Variants in DNAH7 observed in about 807,000 individuals in gnomAD.
DNAH7 encodes the protein dynein axonemal heavy chain 7.
DNAH7 carries 397 observed loss-of-function variants against 444.6 expected under a neutral mutation model. The observed-to-expected ratio is 0.89, with a 90% confidence interval of 0.82 to 0.97. The LOEUF is 0.97. Among genes scored for constraint, DNAH7 ranks in the 50% least tolerant of loss-of-function variants. The probability of loss-of-function intolerance (pLI) is 0.00; values close to 1 mark genes in which losing one functional copy is unlikely to be tolerated. For synonymous variants in DNAH7, 1,636 were observed against 1,624.4 expected, an observed-to-expected ratio of 1.01 and a Z score of -0.17; for missense variants, 4,902 against 4,800.8, an observed-to-expected ratio of 1.02 and a Z score of -0.62.
Position 195,794,392 on chromosome 2 carries a change from T to C in DNAH7, c.10662A>G (p.Ser3554=), listed in dbSNP as rs1696037454. 6.2e-7 allele frequency: 1 copy of C among 1,614,036 alleles called. No homozygotes were observed. Among genetic ancestry groups the C allele is most frequent in the Non-Finnish European group, 8.5e-7 (1 of 1,180,014 alleles). The change falls in exon 57 of 65, where the codon TCA becomes TCG. Residue 3554 remains serine (S), a synonymous_variant. Coordinates refer to ENST00000312428, the MANE Select transcript of DNAH7 (RefSeq NM_018897.3). ...GATCAGAGATCGGGTCCATGAGGTA[T>C]GATCGAATGATATTAGCCCGTAAAC... The part of the protein sequence containing the change: ...PKGLRANIIR[S]YLMDPISDPE...
chr2:195,820,245 T>C (rs1574492363), intron 49 of DNAH7, among the ~76,000 whole-genome samples: 1 of 151,130 alleles, frequency 6.6e-6, no homozygotes, highest in South Asian at 2.1e-4. Flanking sequence ...AGTTGAACAA[T>C]GAGAATACAT....
At chr2:195,780,124 C>T (rs1359247755) in intron 58 of DNAH7, among the ~76,000 whole-genome samples, 3 of 152,066 alleles carry the variant, frequency 2.0e-5, no homozygotes, top group Non-Finnish European at 4.4e-5. Context: ...ACTAGCAGTA[C>T]AGAAAATTCT....
chr2:195,787,209 T>C, intron 57 of DNAH7, 38 bp from the exon 58 acceptor site: 1 of 1,556,192 alleles, frequency 6.4e-7, no homozygotes, highest in Non-Finnish European at 8.7e-7. Flanking sequence ...CATTATTTTC[T>C]CCATATATTG....
chr2:196,008,730 TAG>T (rs970653661), intron 10 of DNAH7, among the ~76,000 whole-genome samples: 4 of 152,112 alleles, frequency 2.6e-5, no homozygotes, highest in African/African-American at 9.7e-5. Flanking sequence ...GGGAAATTCA[TAG>T]AGACAAAAAA....
intron 58 of DNAH7, among the ~76,000 whole-genome samples, chr2:195,780,196 C>T (rs1297402989): frequency 6.6e-6 from 1 of 151,862 alleles, no homozygotes; most frequent in Admixed American, 6.6e-5. Context: ...GATAATAAAA[C>T]AATATAATTA....
chr2:195,864,378 G>A lies in DNAH7; in HGVS notation c.7277C>T (p.Ala2426Val), dbSNP rs1700195561. ...LNAGEIPNLF[A>V]LDEKQEICDK... Reference sequence around the variant, plus strand: ...ACATATCTCTTGCTTCTCATCTAATGCAAAGAGATTTGGAATCTCCCCAGC... The same window carrying A: ...ACATATCTCTTGCTTCTCATCTAATACAAAGAGATTTGGAATCTCCCCAGC... Residue 2426 changes from alanine to valine, a missense_variant, in exon 41 of 65, where the codon GCA becomes GTA. Coordinates refer to ENST00000312428, the MANE Select transcript of DNAH7 (RefSeq NM_018897.3). 2 of 1,614,092 alleles carry A rather than the reference G, an allele frequency of 1.2e-6. No homozygotes were observed. Among genetic ancestry groups the A allele is most frequent in the Admixed American group, 1.7e-5 (1 of 60,004 alleles).
intron 19 of DNAH7, among the ~76,000 whole-genome samples, chr2:195,952,369 TC>T (rs1193890816): frequency 3.3e-5 from 5 of 152,156 alleles, no homozygotes; most frequent in African/African-American, 1.2e-4. Context: ...ATTTTTTCCT[TC>T]ATTTCAACCT....
Position 195,906,914 on chromosome 2 carries a change from GAT to G in DNAH7, c.4198_4199del (p.Ile1400ProfsTer5), listed in dbSNP as rs773232202. The part of the protein sequence containing the change: ...LSVVAQQILT[I>X]QRGINAGADI... Reference sequence around the variant, plus strand: ...GACAAACTAGTCCATTACCTCTTTGGATAGTAAGGATTTGTTGAGCAACCACA... The same window carrying G: ...GACAAACTAGTCCATTACCTCTTTGGAGTAAGGATTTGTTGAGCAACCACA... On this transcript the variant is annotated frameshift_variant, in exon 26 of 65. Transcript: ENST00000312428. LOFTEE classifies it high-confidence loss of function. 19 of 1,611,898 alleles carry G rather than the reference GAT, an allele frequency of 1.2e-5. No individual in the cohort carries two copies. The highest frequency in any genetic ancestry group is 1.1e-5 in the Non-Finnish European group (13 of 1,179,110).
chr2:195,799,252 C>T (rs1009746801), intron 55 of DNAH7, 44 bp downstream of exon 55: 10 of 1,421,546 alleles, frequency 7.0e-6, no homozygotes, highest in East Asian at 2.6e-5. Flanking sequence ...GCAAGTATTG[C>T]TTTTTTAAAA....
chr2:196,054,520 TTAAA>T (rs1290749131), intron 2 of DNAH7, among the ~76,000 whole-genome samples: 2 of 152,002 alleles, frequency 1.3e-5, no homozygotes, highest in Middle Eastern at 3.2e-3. Flanking sequence ...ACACCTGTCT[TTAAA>T]TAAATAAAAT....
intron 30 of DNAH7, chr2:195,892,913 A>G (rs1320286482): frequency 2.2e-5 from 2 of 89,662 alleles, no homozygotes; most frequent in Admixed American, 1.3e-4. Context: ...ACCAAACTGG[A>G]AAAAAAAAAA....
intron 19 of DNAH7, among the ~76,000 whole-genome samples, chr2:195,940,534 A>C (rs551212613): frequency 4.1e-4 from 63 of 152,332 alleles, no homozygotes; most frequent in African/African-American, 1.5e-3. Context: ...AATGGGATAT[A>C]ATTAAACTAA....
intron 62 of DNAH7, among the ~76,000 whole-genome samples, chr2:195,754,842 TTAA>T (rs1305962914): frequency 6.6e-6 from 1 of 152,192 alleles, no homozygotes; most frequent in African/African-American, 2.4e-5. Context: ...ACAACACTAC[TTAA>T]TAAAATGTAT....
At chr2:195,976,661 C>G (rs1484900375) in intron 15 of DNAH7, among the ~76,000 whole-genome samples, 1 of 151,422 alleles carries the variant, frequency 6.6e-6, no homozygotes, top group Non-Finnish European at 1.5e-5. Context: ...AAGCACAGTC[C>G]CAGTGGTGAT....
At chr2:195,754,536 G>A in intron 62 of DNAH7, 22 bp from the exon 63 acceptor site, 1 of 1,606,884 alleles carries the variant, frequency 6.2e-7, no homozygotes, top group Non-Finnish European at 8.5e-7. Context: ...AACACAAGTG[G>A]GCTAACAGTA....
At chr2:195,876,140 ACACTT>A (rs1416510535) in intron 37 of DNAH7, among the ~76,000 whole-genome samples, 1 of 152,142 alleles carries the variant, frequency 6.6e-6, no homozygotes, top group Admixed American at 6.5e-5. Context: ...TCCTTGTACT[ACACTT>A]CAATTCATGA....
chr2:195,870,894 A>T (rs1354700698), intron 40 of DNAH7, among the ~76,000 whole-genome samples: 2 of 152,190 alleles, frequency 1.3e-5, no homozygotes, highest in Non-Finnish European at 2.9e-5. Flanking sequence ...GGACTAAGGC[A>T]TGCTCCTTGA....
At chr2:195,931,283 T>C (rs1688676784) in intron 21 of DNAH7, among the ~76,000 whole-genome samples, 1 of 152,178 alleles carries the variant, frequency 6.6e-6, no homozygotes, top group African/African-American at 2.4e-5. Context: ...GTTGTTTTCT[T>C]GTAAATTTGT....
In DNAH7 at chr2:195,842,183, C is replaced by T. The variant is rs572474388; in HGVS notation, c.8945+2819G>A. Among the ~76,000 whole-genome samples, 307 of 152,104 alleles carry T rather than the reference C, an allele frequency of 2.0e-3. 14 individuals carry two copies. The South Asian group carries it at 0.06, about 30-fold the overall frequency. On this transcript the variant is annotated intron_variant, in intron 47 of 64. Coordinates refer to ENST00000312428, the MANE Select transcript of DNAH7 (RefSeq NM_018897.3). ...ACCAAGCTGTTAAATAATCCTAATC[C>T]TTTACCCGTGAAATGTTCAGATACA...
Sources: allele counts gnomAD v4.1 joint callset (sites outside exome capture counted in the v4.1 genomes callset), GRCh38; gene constraint gnomAD v4.1.1; transcripts MANE v1.5; gene names NCBI Gene and HGNC (gene_info 2026-07-23, HGNC 2026-07-21).